The following FCER1A variants were observed in gnomAD, a reference collection of about 807,000 sequenced individuals.
FCER1A encodes the protein Fc epsilon receptor Ia.
In FCER1A, 24 loss-of-function variants were observed where a neutral mutation model predicts 23.6. That is an observed-to-expected ratio of 1.02 (90% CI 0.74 to 1.43). The LOEUF is 1.43. FCER1A is among the 40% of genes most tolerant of loss of function. The pLI is 0.00. For missense variants in FCER1A, 318 were observed against 294.5 expected (o/e 1.08, Z -0.58); for synonymous variants, 121 against 108.8 (o/e 1.11, Z -0.70).
upstream of FCER1A, among the ~76,000 whole-genome samples, chr1:159,302,033 C>T (rs552357149): frequency 6.6e-6 from 1 of 152,176 alleles, no homozygotes; most frequent in Non-Finnish European, 1.5e-5. Flanking sequence ...TCCCTTGCAT[C>T]CCACTTTTCT....
At chr1:159,292,727 T>A (rs1571075715) in intron 1 of FCER1A, among the ~76,000 whole-genome samples, 1 of 152,282 alleles carries the variant, frequency 6.6e-6, no homozygotes, top group Non-Finnish European at 1.5e-5. Flanking sequence ...AACTTCGTGA[T>A]GAAACTTAAT....
At chr1:159,293,427 T>C (rs1652210404) in intron 1 of FCER1A, among the ~76,000 whole-genome samples, 2 of 151,984 alleles carry the variant, frequency 1.3e-5, no homozygotes, top group African/African-American at 4.8e-5. Context: ...AGTTTTAGGG[T>C]ACATATGCCC....
At chr1:159,306,342 G>A (rs146997833) in intron 4 of FCER1A, 97 bp downstream of exon 4, 387 of 1,175,136 alleles carry the variant, frequency 3.3e-4, no homozygotes, top group Middle Eastern at 2.3e-3. Context: ...GGGGGCACCT[G>A]TGATACACTG....
At chr1:159,292,476 C>A (rs998621327) in intron 1 of FCER1A, among the ~76,000 whole-genome samples, 11 of 152,102 alleles carry the variant, frequency 7.2e-5, no homozygotes, top group African/African-American at 2.7e-4. Context: ...TCAGTAAGTC[C>A]CATTAATATA....
At chr1:159,290,647 C>T (rs752908167) in intron 1 of FCER1A, among the ~76,000 whole-genome samples, 25 of 152,140 alleles carry the variant, frequency 1.6e-4, no homozygotes, top group Non-Finnish European at 2.9e-5. Flanking sequence ...TAATCTAAAC[C>T]TCCCTACCTC....
At chr1:159,286,190 C>T (rs1652011069), upstream of FCER1A, among the ~76,000 whole-genome samples, 1 of 146,724 alleles carries the variant, frequency 6.8e-6, no homozygotes, top group African/African-American at 2.5e-5. Flanking sequence ...ACCCTGCCAC[C>T]AAAATAAATA....
At chr1:159,299,877 C>T (rs762448191), upstream of FCER1A, among the ~76,000 whole-genome samples, 17 of 149,664 alleles carry the variant, frequency 1.1e-4, no homozygotes, top group Non-Finnish European at 2.2e-4. Context: ...TGTGTTCCTT[C>T]TGTGTTCTTG....
chr1:159,287,106 A>G (rs773376562), upstream of FCER1A, among the ~76,000 whole-genome samples: 14 of 152,202 alleles, frequency 9.2e-5, no homozygotes, highest in Non-Finnish European at 1.5e-4. Context: ...TGAATAACGC[A>G]TGTCAGAATA....
intron 1 of FCER1A, among the ~76,000 whole-genome samples, chr1:159,290,520 A>G (rs1456943311): frequency 6.6e-6 from 1 of 152,160 alleles, no homozygotes; most frequent in Non-Finnish European, 1.5e-5. Context: ...AGTTATCCCA[A>G]ATGTTGTGGC....
chr1:159,302,913 G>T, intron 2 of FCER1A, 39 bp downstream of exon 2: 2 of 1,592,822 alleles, frequency 1.3e-6, no homozygotes, highest in South Asian at 1.1e-5. Context: ...GTTTCAACAT[G>T]TCTGGGCATT....
intron 4 of FCER1A, among the ~76,000 whole-genome samples, chr1:159,306,888 CA>C (rs1190627160): frequency 1.3e-5 from 2 of 152,130 alleles, no homozygotes; most frequent in African/African-American, 2.4e-5. Context: ...ACACTTTGTA[CA>C]TAATAATGTT....
chr1:159,303,328 G>A (rs957227622), intron 2 of FCER1A, among the ~76,000 whole-genome samples: 26 of 151,962 alleles, frequency 1.7e-4, no homozygotes, highest in Admixed American at 2.0e-4. Flanking sequence ...TACTTCTTTG[G>A]TCTCTGTTCA....
At chr1:159,293,648 G>GT (rs533434735) in intron 1 of FCER1A, among the ~76,000 whole-genome samples, 2,740 of 148,656 alleles carry the variant, frequency 0.018, 177 homozygotes, top group Admixed American at 0.12. Flanking sequence ...GCGGTGTTTG[G>GT]TTTTTTGTTC....
Position 159,306,020 on chromosome 1 carries a change from G to T in FCER1A, c.364G>T (p.Val122Leu). 6.2e-7 allele frequency: 1 copy of T among 1,613,932 alleles called. No homozygotes were observed. The highest frequency in any genetic ancestry group is 8.5e-7 in the Non-Finnish European group (1 of 1,179,900). Residue 122 changes from valine to leucine, a missense_variant, in exon 4 of 5, where the codon GTG (valine) becomes TTG (leucine). Coordinates refer to ENST00000693622, the MANE Select transcript of FCER1A (RefSeq NM_001387280.1). Reference protein sequence around the residue: ...WLLLQASAEVVMEGQPLFLRC... With the variant: ...WLLLQASAEVLMEGQPLFLRC... ...GCTCCTTCAGGCCTCTGCTGAGGTGGTGATGGAGGGCCAGCCCCTCTTCCT... is the reference window on the plus strand; with the variant it reads ...GCTCCTTCAGGCCTCTGCTGAGGTGTTGATGGAGGGCCAGCCCCTCTTCCT...
At chr1:159,296,594 T>C (rs1281524270) in intron 1 of FCER1A, among the ~76,000 whole-genome samples, 3 of 152,236 alleles carry the variant, frequency 2.0e-5, no homozygotes, top group Admixed American at 2.0e-4. Context: ...TGCTTTTGTG[T>C]TTTTCACAGT....
chr1:159,288,922 C>T (rs553068838), upstream of FCER1A, among the ~76,000 whole-genome samples: 2 of 152,228 alleles, frequency 1.3e-5, no homozygotes, highest in East Asian at 3.9e-4. Context: ...CTGAGGGGTT[C>T]GGGCTTCTCA....
upstream of FCER1A, among the ~76,000 whole-genome samples, chr1:159,288,285 C>T (rs757741750): frequency 5.9e-5 from 9 of 152,162 alleles, no homozygotes; most frequent in African/African-American, 1.2e-4. Flanking sequence ...AGATCTAGGG[C>T]TTGCATGGTA....
upstream of FCER1A, among the ~76,000 whole-genome samples, chr1:159,298,433 A>G (rs1652350762): frequency 6.6e-6 from 1 of 152,168 alleles, no homozygotes; most frequent in Non-Finnish European, 1.5e-5. Context: ...AGGAAACTAG[A>G]ACCTCCCTTT....
upstream of FCER1A, among the ~76,000 whole-genome samples, chr1:159,298,896 G>A (rs1652359986): frequency 1.3e-5 from 2 of 152,140 alleles, no homozygotes; most frequent in African/African-American, 4.8e-5. Flanking sequence ...TTCTGCATGA[G>A]GACTATGAAT....
Sources: allele counts gnomAD v4.1 joint callset (sites outside exome capture counted in the v4.1 genomes callset), GRCh38; gene constraint gnomAD v4.1.1; transcripts MANE v1.5; gene names NCBI Gene and HGNC (gene_info 2026-07-23, HGNC 2026-07-21).